FNDC3B: variants seen among roughly 807,000 people sequenced by gnomAD.
The protein encoded by FNDC3B is fibronectin type III domain containing 3B, also known as fibronectin type III domain-containing protein 3B.
A neutral mutation model predicts 151.5 loss-of-function variants in FNDC3B; 12 were observed. The ratio of observed to expected loss-of-function variants is 0.08; its 90% CI spans 0.05 to 0.13. The LOEUF (loss-of-function observed/expected upper bound fraction) is 0.13. Ranked by LOEUF, FNDC3B falls within the 10% of genes least tolerant of loss-of-function variation. The probability of loss-of-function intolerance (pLI) is 1.00; values close to 1 mark genes in which losing one functional copy is unlikely to be tolerated. For synonymous variants in FNDC3B, 528 were observed against 549.0 expected (o/e 0.96, Z 0.54); for missense variants, 1,214 against 1,505.3 (o/e 0.81, Z 3.20).
intron 11 of FNDC3B, among the ~76,000 whole-genome samples, chr3:172,324,852 C>T (rs115250750): frequency 1.3e-3 from 194 of 152,322 alleles, no homozygotes; most frequent in African/African-American, 4.4e-3. Context: ...TTCCATACCC[C>T]GCTGAGAACA....
chr3:172,283,434 T>C (rs980477043), intron 6 of FNDC3B, among the ~76,000 whole-genome samples: 12 of 152,226 alleles, frequency 7.9e-5, no homozygotes, highest in Non-Finnish European at 2.9e-5. Context: ...TGAGGATGTT[T>C]TATTTGCAGA....
chr3:172,177,626 C>CTTTT lies in FNDC3B; in HGVS notation c.187+44098_187+44101dup, dbSNP rs10684671. ...AGGAAGGAATCATTTTTACCACCATCTTTTTTTTTTTTTTTTTTTTTGCAC... is the reference window on the plus strand; with the variant it reads ...AGGAAGGAATCATTTTTACCACCATCTTTTTTTTTTTTTTTTTTTTTTTTTGCAC... On this transcript the variant is annotated intron_variant, in intron 3 of 25. Transcript: ENST00000415807. Among the ~76,000 whole-genome samples, 10 of 84,838 alleles carry CTTTT rather than the reference C, an allele frequency of 1.2e-4. 1 individual carries two copies. Among genetic ancestry groups the CTTTT allele is most frequent in the East Asian group, 3.7e-4 (1 of 2,728 alleles). 55.7% of individuals were successfully genotyped at this position (84,838 alleles called of 152,430 possible). A position where few individuals can be genotyped will look rare whatever the true frequency, so the allele number is the denominator to read the frequency against.
At chr3:172,208,063 C>T (rs1383156791) in intron 3 of FNDC3B, among the ~76,000 whole-genome samples, 3 of 152,064 alleles carry the variant, frequency 2.0e-5, no homozygotes, top group Admixed American at 2.0e-4. Flanking sequence ...TTTTTAATTT[C>T]CTTGTAAATT....
In FNDC3B at chr3:172,378,314, A is replaced by G; in HGVS notation, c.3053A>G (p.Gln1018Arg). The G allele has an allele frequency of 6.2e-7, 1 of 1,613,812 alleles. No individual in the cohort carries two copies. The highest frequency in any genetic ancestry group is 8.5e-7 in the Non-Finnish European group (1 of 1,179,862). The change falls in exon 24 of 26, where the codon CAG becomes CGG. Residue 1018 changes from glutamine to arginine, a missense_variant. By Grantham distance (43) the Gln-to-Arg change is conservative. Around this residue, in one of 7 missense-constraint regions of FNDC3B, gnomAD observed 284 missense variants for 392.4 expected, o/e 0.72. Transcript: ENST00000415807. ...GGACCCAGCCACACCTACAAGGTCC[A>G]GAGACTGACGGAATTCACATGCTAC... ...YRGPSHTYKV[Q>R]RLTEFTCYSF...
chr3:172,090,659 T>C (rs1201890530), intron 1 of FNDC3B, among the ~76,000 whole-genome samples: 1 of 152,128 alleles, frequency 6.6e-6, no homozygotes, highest in Non-Finnish European at 1.5e-5. Context: ...AACTAAATTA[T>C]TCTTTACCTT....
At chr3:172,226,743 A>AC in intron 3 of FNDC3B, 128 bp from the exon 4 acceptor site, 1 of 606,738 alleles carries the variant, frequency 1.6e-6, no homozygotes, top group South Asian at 2.1e-5. Context: ...GGCAATATAT[A>AC]CCAACTTTTG....
At chr3:172,282,930 G>A (rs763660060) in intron 6 of FNDC3B, among the ~76,000 whole-genome samples, 1 of 152,222 alleles carries the variant, frequency 6.6e-6, no homozygotes, top group Non-Finnish European at 1.5e-5. Flanking sequence ...ACCTATGGGT[G>A]GTGTGCCCAG....
At chr3:172,385,889 A>G (rs1420654071) in intron 25 of FNDC3B, among the ~76,000 whole-genome samples, 1 of 152,100 alleles carries the variant, frequency 6.6e-6, no homozygotes, top group African/African-American at 2.4e-5. Flanking sequence ...TAGGCGACAC[A>G]TGACAAGTGC....
At chr3:172,187,994 C>CCA (rs1724284374) in intron 3 of FNDC3B, among the ~76,000 whole-genome samples, 1 of 147,040 alleles carries the variant, frequency 6.8e-6, no homozygotes. Flanking sequence ...TATATTTAAG[C>CCA]AGTTTTTTTT....
rs536826913 is a variant in FNDC3B at position 172,176,915 on chromosome 3, G to A, written c.187+43369G>A. Among the ~76,000 whole-genome samples, 3 of 152,238 alleles carry A rather than the reference G, an allele frequency of 2.0e-5. No homozygotes were observed. In the South Asian group the frequency reaches 6.2e-4, roughly 32 times the overall value. ...CATCATGGGCAAGTGGGAATTTATA[G>A]CCAAGGAGCAGTGTGGGGATCAGTG... On this transcript the variant is annotated intron_variant, in intron 3 of 25. Transcript: ENST00000415807.
At chr3:172,228,187 A>G (rs1726690712) in intron 4 of FNDC3B, among the ~76,000 whole-genome samples, 1 of 152,240 alleles carries the variant, frequency 6.6e-6, no homozygotes, top group Admixed American at 6.5e-5. Context: ...CTTTGTAAGT[A>G]AGAATCACTG....
chr3:172,256,107 G>T (rs555171642), intron 6 of FNDC3B, among the ~76,000 whole-genome samples: 22 of 152,342 alleles, frequency 1.4e-4, no homozygotes, highest in African/African-American at 5.3e-4. Flanking sequence ...AGTCTAAACT[G>T]CATGATATGA....
intron 6 of FNDC3B, among the ~76,000 whole-genome samples, chr3:172,284,331 T>C (rs1729897503): frequency 6.6e-6 from 1 of 152,232 alleles, no homozygotes; most frequent in African/African-American, 2.4e-5. Context: ...TCACAAAGTT[T>C]AAAATATTTA....
At chr3:172,303,749 C>A (rs568667232) in intron 9 of FNDC3B, among the ~76,000 whole-genome samples, 1 of 151,746 alleles carries the variant, frequency 6.6e-6, no homozygotes, top group East Asian at 1.9e-4. Flanking sequence ...TTGCAGTATT[C>A]TTTTAAAATG....
intron 3 of FNDC3B, among the ~76,000 whole-genome samples, chr3:172,137,592 G>GCGCCT (rs1386968818): frequency 6.6e-6 from 1 of 152,104 alleles, no homozygotes; most frequent in Admixed American, 6.5e-5. Context: ...GGAGTTTGAG[G>GCGCCT]CTGCAGTGAG....
intron 1 of FNDC3B, among the ~76,000 whole-genome samples, chr3:172,104,023 A>G (rs1343415220): frequency 2.6e-5 from 4 of 152,168 alleles, no homozygotes; most frequent in African/African-American, 9.7e-5. Context: ...ATTAGATTTT[A>G]TTGGCATAAA....
chr3:172,375,036 C>T (rs1009134380), intron 23 of FNDC3B, among the ~76,000 whole-genome samples: 21 of 152,156 alleles, frequency 1.4e-4, no homozygotes, highest in Admixed American at 7.2e-4. Flanking sequence ...TTTCTCATCC[C>T]TTTCATGTCA....
chr3:172,062,280 C>T (rs1717241627), intron 1 of FNDC3B, among the ~76,000 whole-genome samples: 1 of 151,790 alleles, frequency 6.6e-6, no homozygotes, highest in Non-Finnish European at 1.5e-5. Context: ...TTATTGGTCC[C>T]TAGTACCCCA....
chr3:172,201,656 A>T (rs1450626993), intron 3 of FNDC3B, among the ~76,000 whole-genome samples: 3 of 152,192 alleles, frequency 2.0e-5, no homozygotes, highest in Non-Finnish European at 4.4e-5. Context: ...TGCTGACTTA[A>T]TGAGAGTCTG....
Sources: gnomAD v4.1 joint callset for allele counts (sites outside exome capture counted in the v4.1 genomes callset) on GRCh38, gnomAD v4.1.1 for gene constraint, gnomAD v4.1.1 regional missense constraint, MANE v1.5 for transcripts, NCBI Gene and HGNC (gene_info 2026-07-23, HGNC 2026-07-21) for gene names.